The following WAS variants were observed in gnomAD, a reference collection of about 807,000 sequenced individuals.
The protein encoded by WAS is actin nucleation-promoting factor WAS.
In WAS, 1 loss-of-function variant was observed where a neutral mutation model predicts 38.9. The observed-to-expected ratio is 0.03, with a 90% CI of 0.01 to 0.12. The LOEUF is 0.12. Ranked by LOEUF, WAS falls within the 10% of genes least tolerant of loss-of-function variation. The pLI is 1.00. For synonymous variants in WAS, 182 were observed against 173.6 expected, an observed-to-expected ratio of 1.05 and a Z score of -0.38; for missense variants, 311 against 431.2, an observed-to-expected ratio of 0.72 and a Z score of 2.47.
At chrX:48,679,255 C>T (rs1343022932), upstream of WAS, among the ~76,000 whole-genome samples, 1 of 110,944 alleles carries the variant, frequency 9.0e-6, no homozygotes, top group Non-Finnish European at 1.9e-5. Flanking sequence ...AACTCCTGGG[C>T]TCAAGCGATC....
chrX:48,689,274 C>A, intron 10 of WAS, 46 bp from the exon 11 acceptor site: 1 of 1,106,725 alleles, frequency 9.0e-7, no homozygotes. Flanking sequence ...AGAAATGCTC[C>A]TTTCCCAGGC....
chrX:48,677,216 G>A (rs1039110175), intron 1 of WAS, among the ~76,000 whole-genome samples: 7 of 111,146 alleles, frequency 6.3e-5, no homozygotes, highest in African/African-American at 2.3e-4. Flanking sequence ...GAGCCCCACA[G>A]AAGGGAACTC....
chrX:48,686,155 G>C, intron 6 of WAS, 21 bp downstream of exon 6: 1 of 1,210,322 alleles, frequency 8.3e-7, no homozygotes, highest in Non-Finnish European at 1.1e-6. Context: ...ATTCTTCCCT[G>C]TGTCTCTGGA....
chrX:48,686,797 G>A lies in WAS; in HGVS notation c.576G>A (p.Pro192=), dbSNP rs781860824. The part of the protein sequence containing the change: ...GGDQGGPPVG[P]LSLGLATVDI... Reference sequence around the variant, plus strand: ...TCCCCACAGGCCCTCCAGTGGGTCCGCTCTCCCTGGGGCTGGCGACAGTGG... The same window carrying A: ...TCCCCACAGGCCCTCCAGTGGGTCCACTCTCCCTGGGGCTGGCGACAGTGG... Residue 192 remains proline (P), a synonymous_variant, in exon 7 of 12, where the codon CCG becomes CCA. Coordinates refer to ENST00000376701, the MANE Select transcript of WAS (RefSeq NM_000377.3). 5 of 1,211,321 alleles carry A rather than the reference G, an allele frequency of 4.1e-6. No individual in the cohort carries two copies. Among genetic ancestry groups the A allele is most frequent in the East Asian group, 3.0e-5 (1 of 33,839 alleles).
At chrX:48,678,721 G>A (rs1394245525) in intron 1 of WAS, among the ~76,000 whole-genome samples, 2 of 111,778 alleles carry the variant, frequency 1.8e-5, no homozygotes, top group Non-Finnish European at 3.8e-5. Flanking sequence ...GAAGGCCCAG[G>A]AGAGCAAATT....
chrX:48,691,015 C>G (rs1201119654), intron 11 of WAS, 92 bp from the exon 12 acceptor site: 1 of 850,762 alleles, frequency 1.2e-6, no homozygotes, highest in African/African-American at 2.0e-5. Flanking sequence ...AGCATGAGAC[C>G]TCAGAACCCC....
At chrX:48,687,542 A>G (rs1195150929) in intron 7 of WAS, among the ~76,000 whole-genome samples, 1 of 110,901 alleles carries the variant, frequency 9.0e-6, no homozygotes, top group Non-Finnish European at 1.9e-5. Context: ...ATTGGCTCAC[A>G]GACAAGGTGG....
chrX:48,678,497 T>C (rs186048974), intron 1 of WAS, among the ~76,000 whole-genome samples: 8 of 110,986 alleles, frequency 7.2e-5, no homozygotes, highest in Non-Finnish European at 1.3e-4. Context: ...GAACAAGATA[T>C]AAACAGGAGG....
chrX:48,683,859 T>C lies in WAS; in HGVS notation c.6T>C (p.Ser2=), dbSNP rs1337984696. 8 of 1,210,851 alleles carry C rather than the reference T, an allele frequency of 6.6e-6. No homozygotes were observed. The highest frequency in any genetic ancestry group is 7.8e-6 in the Non-Finnish European group (7 of 895,140). The change falls in exon 1 of 12, where the codon AGT becomes AGC. Residue 2 remains serine (S), a synonymous_variant. Transcript: ENST00000376701. M[S]GGPMGGRPGG... is the part of the protein sequence containing the mutation. ...AGACAAGGGCAGAAAGCACCATGAG[T>C]GGGGGCCCAATGGGAGGAAGGCCCG...
At chrX:48,687,188 T>G (rs1482715406) in intron 7 of WAS, among the ~76,000 whole-genome samples, 1 of 111,507 alleles carries the variant, frequency 9.0e-6, no homozygotes, top group Non-Finnish European at 1.9e-5. Flanking sequence ...GCAACTGTAA[T>G]TCCTGACTCT....
chrX:48,684,427 AC>A lies in WAS; in HGVS notation c.273+11del, dbSNP rs58371799. On this transcript the variant is annotated splice_donor_5th_base_variant and intron_variant, in intron 2 of 11. Coordinates refer to ENST00000376701, the MANE Select transcript of WAS (RefSeq NM_000377.3). The stretch of plus-strand genomic sequence containing the variant: ...CATCCGCCTTTACGGCCTTCAGGTG[AC>A]CCCCCCACCCCCGACTGGACTTGCA... The A allele has an allele frequency of 3.3e-6, 4 of 1,194,903 alleles. No individual in the cohort carries two copies. The highest frequency in any genetic ancestry group is 2.3e-5 in the Admixed American group (1 of 44,234).
Position 48,691,331 on chromosome X carries a change from C to T in WAS, c.*169C>T. On this transcript the variant is annotated 3_prime_UTR_variant, in exon 12 of 12. Transcript: ENST00000376701. ...CTGCCTGGTCCTCACACTCACCCAA[C>T]AATCCCAAGGCCCTTTTTATACAAA... 1 of 473,568 alleles carries T rather than the reference C, an allele frequency of 2.1e-6. No homozygotes were observed. The allele number at this position is 473,568 out of a possible 1,213,427, so 39.0% of individuals were successfully genotyped here.
At chrX:48,682,691 G>A (rs2062404748), upstream of WAS, among the ~76,000 whole-genome samples, 1 of 110,464 alleles carries the variant, frequency 9.1e-6, no homozygotes, top group African/African-American at 3.3e-5. Context: ...TCGAGAAATC[G>A]AGACCATCCT....
chrX:48,679,251 T>A (rs2062396449), upstream of WAS, among the ~76,000 whole-genome samples: 1 of 111,091 alleles, frequency 9.0e-6, no homozygotes, highest in Non-Finnish European at 1.9e-5. Flanking sequence ...CTCAAACTCC[T>A]GGGCTCAAGC....
chrX:48,683,111 T>TTG (rs1331534881), upstream of WAS, among the ~76,000 whole-genome samples: 4 of 110,387 alleles, frequency 3.6e-5, no homozygotes, highest in African/African-American at 1.3e-4. Context: ...GACAAGGGTC[T>TTG]TGCTCTGTCA....
At chrX:48,686,642 C>G in intron 6 of WAS, 139 bp from the exon 7 acceptor site, 12 of 662,764 alleles carry the variant, frequency 1.8e-5, no homozygotes, top group Non-Finnish European at 2.8e-5. Flanking sequence ...TCCATAGACC[C>G]TACTTGAACC....
chrX:48,691,327 C>G lies in WAS; in HGVS notation c.*165C>G. 1 of 476,878 alleles carries G rather than the reference C, an allele frequency of 2.1e-6. No individual in the cohort carries two copies. Among genetic ancestry groups the G allele is most frequent in the South Asian group, 3.2e-5 (1 of 31,577 alleles). The allele number at this position is 476,878 out of a possible 1,213,427, so 39.3% of individuals were successfully genotyped here. A position where few individuals can be genotyped will look rare whatever the true frequency, so the allele number is the denominator to read the frequency against. On this transcript the variant is annotated 3_prime_UTR_variant, in exon 12 of 12. Transcript: ENST00000376701. ...ATCCCTGCCTGGTCCTCACACTCAC[C>G]CAACAATCCCAAGGCCCTTTTTATA... is the stretch of plus-strand genomic sequence containing the variant.
At chrX:48,677,645 T>C (rs782575349) in intron 1 of WAS, among the ~76,000 whole-genome samples, 8 of 111,971 alleles carry the variant, frequency 7.1e-5, no homozygotes, top group East Asian at 5.6e-4. Flanking sequence ...CACTGCGTCA[T>C]TGACTCTACA....
rs1557006464 is a variant in WAS at position 48,685,531 on chromosome X, C to T, written c.274-16C>T. The T allele has an allele frequency of 1.7e-6, 2 of 1,182,888 alleles. No individual in the cohort carries two copies. Among genetic ancestry groups the T allele is most frequent in the Non-Finnish European group, 2.3e-6 (2 of 879,871 alleles). On this transcript the variant is annotated splice_polypyrimidine_tract_variant and intron_variant, in intron 2 of 11. Coordinates refer to ENST00000376701, the MANE Select transcript of WAS (RefSeq NM_000377.3). The stretch of plus-strand genomic sequence containing the variant: ...TGCCTCAGTGCCACTGTGCCTCCCA[C>T]CCTACACCTCTCCAGGCTGGTCGGC...
Sources: allele counts gnomAD v4.1 joint callset (sites outside exome capture counted in the v4.1 genomes callset), GRCh38; gene constraint gnomAD v4.1.1; transcripts MANE v1.5; gene names NCBI Gene and HGNC (gene_info 2026-07-23, HGNC 2026-07-21).